TASP1: variants seen among roughly 807,000 people sequenced by gnomAD.
TASP1 encodes the protein taspase 1.
In TASP1, 16 loss-of-function variants were observed where a neutral mutation model predicts 56.6. That is an observed-to-expected ratio of 0.28 (90% CI 0.19 to 0.43). The LOEUF (loss-of-function observed/expected upper bound fraction) is 0.43. TASP1 is among the 20% of genes least tolerant of loss of function. The pLI is 1.00. For synonymous variants in TASP1, 179 were observed against 184.2 expected (o/e 0.97, Z 0.23); for missense variants, 393 against 511.6 (o/e 0.77, Z 2.24).
chr20:13,556,539 T>TCTTG (rs2046163769), intron 8 of TASP1, among the ~76,000 whole-genome samples: 1 of 152,152 alleles, frequency 6.6e-6, no homozygotes, highest in Non-Finnish European at 1.5e-5. Flanking sequence ...TGAATAAAAT[T>TCTTG]ATTGAATAAA....
chr20:13,480,979 T>C (rs1478244727), intron 11 of TASP1, among the ~76,000 whole-genome samples: 5 of 152,092 alleles, frequency 3.3e-5, no homozygotes, highest in Admixed American at 3.3e-4. Flanking sequence ...CTTTTAGTTA[T>C]TTTAAAATGT....
the TASP1 span, among the ~76,000 whole-genome samples, chr20:13,176,080 G>A: frequency 4.6e-5 from 7 of 152,132 alleles, no homozygotes; most frequent in Non-Finnish European, 8.8e-5. Flanking sequence ...CACCTTAAGA[G>A]AAAATTAGTG....
the TASP1 span, among the ~76,000 whole-genome samples, chr20:13,224,841 C>CTTTTTTTTT: frequency 1.4e-4 from 15 of 107,256 alleles, no homozygotes; most frequent in African/African-American, 2.2e-4. Flanking sequence ...AGCTTTCTTT[C>CTTTTTTTTT]TTTTTTTTTT....
At chr20:13,554,279 C>T (rs541461770) in intron 8 of TASP1, among the ~76,000 whole-genome samples, 1 of 152,286 alleles carries the variant, frequency 6.6e-6, no homozygotes, top group Non-Finnish European at 1.5e-5. Context: ...AGCAAGGGGA[C>T]AAATATGCAT....
chr20:13,501,097 C>A (rs1203251986), intron 10 of TASP1, among the ~76,000 whole-genome samples: 1 of 151,876 alleles, frequency 6.6e-6, no homozygotes, highest in African/African-American at 2.4e-5. Context: ...AAGAAAAAAG[C>A]CAACACAGAA....
chr20:13,256,055 C>A, the TASP1 span, among the ~76,000 whole-genome samples: 1 of 151,870 alleles, frequency 6.6e-6, no homozygotes, highest in Non-Finnish European at 1.5e-5. Context: ...GCTGGGAGTT[C>A]GAAACCCTGT....
At chr20:13,129,307 A>AGGT in the TASP1 span, among the ~76,000 whole-genome samples, 1 of 152,140 alleles carries the variant, frequency 6.6e-6, no homozygotes, top group African/African-American at 2.4e-5. Context: ...TGTCTTAAAC[A>AGGT]GGTATCTTTT....
chr20:13,619,129 T>C (rs1207472012), intron 4 of TASP1, among the ~76,000 whole-genome samples: 1 of 152,058 alleles, frequency 6.6e-6, no homozygotes, highest in Non-Finnish European at 1.5e-5. Flanking sequence ...CGCTTCGGCC[T>C]CCCAAAGATC....
At chr20:13,372,309 T>A in the TASP1 span, among the ~76,000 whole-genome samples, 1 of 152,132 alleles carries the variant, frequency 6.6e-6, no homozygotes, top group Non-Finnish European at 1.5e-5. Context: ...CAAGAGGGAA[T>A]TCTCCAGCAG....
At chr20:13,530,191 C>A (rs2045167250) in intron 9 of TASP1, among the ~76,000 whole-genome samples, 2 of 152,134 alleles carry the variant, frequency 1.3e-5, no homozygotes, top group African/African-American at 4.8e-5. Context: ...CCAGGATAAC[C>A]AGAGACGGAA....
chr20:13,161,833 C>T, the TASP1 span, among the ~76,000 whole-genome samples: 6 of 152,266 alleles, frequency 3.9e-5, no homozygotes, highest in South Asian at 2.1e-4. Context: ...TGCACACACA[C>T]GCACACACAC....
At chr20:13,358,216 A>G in the TASP1 span, among the ~76,000 whole-genome samples, 1 of 152,164 alleles carries the variant, frequency 6.6e-6, no homozygotes, top group Non-Finnish European at 1.5e-5. Flanking sequence ...CCCCACCCTT[A>G]TCTCCCTTCG....
At chr20:13,222,162 A>C in the TASP1 span, among the ~76,000 whole-genome samples, 9 of 152,214 alleles carry the variant, frequency 5.9e-5, no homozygotes, top group Non-Finnish European at 2.9e-5. Context: ...GTCACGGGTC[A>C]GGTGCGGGGT....
At chr20:13,438,184 C>T (rs977711885) in intron 11 of TASP1, among the ~76,000 whole-genome samples, 2 of 152,142 alleles carry the variant, frequency 1.3e-5, no homozygotes, top group Non-Finnish European at 2.9e-5. Context: ...CAAAAAGGAG[C>T]CCGCATTGCC....
the TASP1 span, among the ~76,000 whole-genome samples, chr20:13,128,976 A>G: frequency 6.6e-6 from 1 of 151,080 alleles, no homozygotes; most frequent in Non-Finnish European, 1.5e-5. Context: ...TCCTGGGTTC[A>G]AGCAATACTC....
At chr20:13,602,065 G>A (rs1470846141) in intron 4 of TASP1, among the ~76,000 whole-genome samples, 1 of 151,618 alleles carries the variant, frequency 6.6e-6, no homozygotes, top group African/African-American at 2.4e-5. Context: ...TTTTTTAGTA[G>A]AGATGGGGTT....
At chr20:13,270,520 G>A in the TASP1 span, 1 of 1,613,302 alleles carries the variant, frequency 6.2e-7, no homozygotes, top group South Asian at 1.1e-5. Context: ...CTCAACGTGG[G>A]AAGTGACACC....
At chr20:13,404,618 T>G (rs1339232129) in intron 13 of TASP1, among the ~76,000 whole-genome samples, 1 of 152,118 alleles carries the variant, frequency 6.6e-6, no homozygotes, top group African/African-American at 2.4e-5. Flanking sequence ...AGTAAGTAAG[T>G]AAATAAATAA....
At chr20:13,113,305 G>GT in the TASP1 span, among the ~76,000 whole-genome samples, 3 of 152,176 alleles carry the variant, frequency 2.0e-5, no homozygotes, top group Admixed American at 6.5e-5. Flanking sequence ...TGCATATCTT[G>GT]TTGGTACCTA....
Sources: gnomAD v4.1 joint callset for allele counts (sites outside exome capture counted in the v4.1 genomes callset) on GRCh38, gnomAD v4.1.1 for gene constraint, MANE v1.5 for transcripts, NCBI Gene and HGNC (gene_info 2026-07-23, HGNC 2026-07-21) for gene names.